Variants in GDAP1 observed in about 807,000 individuals in gnomAD.
GDAP1 encodes the protein ganglioside-induced differentiation-associated protein 1.
In GDAP1, 34 loss-of-function variants were observed where a neutral mutation model predicts 40.1. The observed-to-expected ratio is 0.85, with a 90% CI of 0.64 to 1.13. GDAP1 has a LOEUF of 1.13. GDAP1 is among the 50% of genes most tolerant of loss of function. The pLI is 0.00. For missense variants in GDAP1, 374 were observed against 433.7 expected (o/e 0.86, Z 1.22); for synonymous variants, 170 against 157.4 (o/e 1.08, Z -0.60).
intron 2 of GDAP1, among the ~76,000 whole-genome samples, chr8:74,423,822 C>G (rs1805913645): frequency 6.6e-6 from 1 of 152,046 alleles, no homozygotes; most frequent in Admixed American, 6.6e-5. Flanking sequence ...ACTGCCCCCT[C>G]CCCTCCTGAG....
At position 74,363,014 on chromosome 8, in the gene GDAP1, G is replaced by A. The variant is rs373127785; in HGVS notation, c.655G>A (p.Val219Ile). The change falls in exon 5 of 6, where the codon GTT becomes ATT. Residue 219 changes from valine (V) to isoleucine (I), a missense_variant. By Grantham distance (29) the Val-to-Ile change is conservative. Transcript: ENST00000220822. ...LDELEKVLDQ[V>I]ETELQRRNEE... is the part of the protein sequence containing the mutation. Reference sequence around the variant, plus strand: ...TGAGTTGGAGAAAGTCTTGGATCAGGTTGAAACTGAATTGCAAAGAAGAAA... The same window carrying A: ...TGAGTTGGAGAAAGTCTTGGATCAGATTGAAACTGAATTGCAAAGAAGAAA... The A allele has an allele frequency of 7.6e-6, 12 of 1,577,818 alleles. No individual in the cohort carries two copies. In the African/African-American group the frequency reaches 8.1e-5, roughly 11 times the overall value.
intron 2 of GDAP1, among the ~76,000 whole-genome samples, chr8:74,473,730 A>G (rs932499125): frequency 6.6e-6 from 1 of 152,144 alleles, no homozygotes; most frequent in African/African-American, 2.4e-5. Flanking sequence ...GTTTGAAGTC[A>G]GGTAACATGA....
intron 2 of GDAP1, among the ~76,000 whole-genome samples, chr8:74,372,118 A>T (rs1359743246): frequency 2.0e-5 from 3 of 152,190 alleles, no homozygotes; most frequent in Admixed American, 2.0e-4. Flanking sequence ...TTATGGCTGC[A>T]TAGTATTCCA....
At position 74,409,597 on chromosome 8, in the gene GDAP1, C is replaced by A. The variant is rs571552451; in HGVS notation, c.165+58276C>A. On this transcript the variant is annotated intron_variant, in intron 2 of 2. Transcript: ENST00000523640. ...TGAACTCCTGACTTCAAATGATCCA[C>A]CTGCTTCAGCCTCCCAATGTTCTGC... Among the ~76,000 whole-genome samples, 3 of 150,256 alleles carry A rather than the reference C, an allele frequency of 2.0e-5. No homozygotes were observed. The East Asian group carries it at 5.8e-4, about 29-fold the overall frequency.
chr8:74,427,746 C>T (rs1044303136), intron 2 of GDAP1, among the ~76,000 whole-genome samples: 3 of 152,088 alleles, frequency 2.0e-5, no homozygotes, highest in African/African-American at 7.2e-5. Flanking sequence ...GTTCAGTGCT[C>T]ATCAAGAAGA....
At chr8:74,431,505 A>G (rs995354647) in intron 2 of GDAP1, among the ~76,000 whole-genome samples, 2 of 151,902 alleles carry the variant, frequency 1.3e-5, no homozygotes, top group East Asian at 1.9e-4. Context: ...TTTTTGAGAC[A>G]GAGTCTCGCT....
At chr8:74,372,900 G>T (rs1178374496) in intron 2 of GDAP1, among the ~76,000 whole-genome samples, 1 of 152,116 alleles carries the variant, frequency 6.6e-6, no homozygotes, top group Non-Finnish European at 1.5e-5. Flanking sequence ...ATGGTTTTAG[G>T]TCTAACATTT....
At chr8:74,405,239 A>G (rs911013414) in intron 2 of GDAP1, among the ~76,000 whole-genome samples, 3 of 149,984 alleles carry the variant, frequency 2.0e-5, no homozygotes, top group South Asian at 4.1e-4. Context: ...CACTACCACA[A>G]TATGGGGGAA....
chr8:74,372,645 C>T (rs1809774486), intron 2 of GDAP1, among the ~76,000 whole-genome samples: 1 of 152,102 alleles, frequency 6.6e-6, no homozygotes, highest in South Asian at 2.1e-4. Context: ...TGTTTGAGTT[C>T]TTTGTAGATT....
rs1239116387 is a variant in GDAP1, at chr8:74,364,538, T to C, written c.*171T>C. 4.0e-6 allele frequency: 3 copies of C among 746,810 alleles called. No homozygotes were observed. The highest frequency in any genetic ancestry group is 7.0e-6 in the Non-Finnish European group (3 of 426,268). The allele number at this position is 746,810 out of a possible 1,614,324, so 46.3% of individuals were successfully genotyped here. A position where few individuals can be genotyped will look rare whatever the true frequency, so the allele number is the denominator to read the frequency against. On this transcript the variant is annotated 3_prime_UTR_variant, in exon 6 of 6. Transcript: ENST00000220822. ...GTTCAGGTAGCAATAGGACACAAAA[T>C]TGCTTTATTCTACAACTGCCAGCTC...
At chr8:74,406,432 C>T (rs1321130863) in intron 2 of GDAP1, among the ~76,000 whole-genome samples, 1 of 150,214 alleles carries the variant, frequency 6.7e-6, no homozygotes, top group Non-Finnish European at 1.5e-5. Context: ...TCTAACAGGA[C>T]CGGCATTAAC....
chr8:74,407,764 C>G (rs757271380), intron 2 of GDAP1, among the ~76,000 whole-genome samples: 1 of 150,048 alleles, frequency 6.7e-6, no homozygotes, highest in African/African-American at 2.5e-5. Context: ...TCTTAGGGAG[C>G]AGTATTAGTT....
chr8:74,467,816 G>T (rs1370319301), intron 2 of GDAP1, among the ~76,000 whole-genome samples: 8 of 152,036 alleles, frequency 5.3e-5, no homozygotes, highest in African/African-American at 1.9e-4. Flanking sequence ...ATGATCTCTG[G>T]CATTCTGAGT....
chr8:74,379,297 G>T (rs997005590), intron 2 of GDAP1, among the ~76,000 whole-genome samples: 2 of 152,084 alleles, frequency 1.3e-5, no homozygotes, highest in South Asian at 4.1e-4. Flanking sequence ...AAAGTGTCCC[G>T]CAACGCTGCA....
At position 74,359,497 on chromosome 8, in the gene GDAP1, G is replaced by A. The variant is rs577362539; in HGVS notation, c.311-640G>A. Among the ~76,000 whole-genome samples, 110 of 152,310 alleles carry A rather than the reference G, an allele frequency of 7.2e-4. 1 individual carries two copies. The highest frequency in any genetic ancestry group is 2.5e-3 in the African/African-American group (106 of 41,578). On this transcript the variant is annotated intron_variant, in intron 2 of 5. Coordinates refer to ENST00000220822, the MANE Select transcript of GDAP1 (RefSeq NM_018972.4). ...AAATTCCTGGGGAAAGTGCACCTGC[G>A]ATATTTGAGCAAAGGCCTTTCCTGT... is the stretch of plus-strand genomic sequence containing the variant.
intron 2 of GDAP1, among the ~76,000 whole-genome samples, chr8:74,390,070 A>G (rs1586818817): frequency 6.6e-6 from 1 of 152,290 alleles, no homozygotes; most frequent in African/African-American, 2.4e-5. Flanking sequence ...TATTCTAGTT[A>G]GCAATTCCTC....
intron 2 of GDAP1, among the ~76,000 whole-genome samples, chr8:74,411,093 C>T (rs983145642): frequency 6.7e-6 from 1 of 149,894 alleles, no homozygotes; most frequent in African/African-American, 2.5e-5. Context: ...CTCTCTCTTT[C>T]CTGCCGCCTT....
chr8:74,388,479 G>A (rs559843311), intron 2 of GDAP1, among the ~76,000 whole-genome samples: 82 of 152,146 alleles, frequency 5.4e-4, no homozygotes, highest in Admixed American at 1.7e-3. Flanking sequence ...TTTCCATGCA[G>A]TTGTGTGGTT....
At chr8:74,369,114 C>T (rs116912272), downstream of GDAP1, among the ~76,000 whole-genome samples, 3,386 of 152,198 alleles carry the variant, frequency 0.022, 49 homozygotes, top group Non-Finnish European at 0.036. Flanking sequence ...CAGGACAAAA[C>T]GTACACAGTT....
Sources: gnomAD v4.1 joint callset for allele counts (sites outside exome capture counted in the v4.1 genomes callset) on GRCh38, gnomAD v4.1.1 for gene constraint, MANE v1.5 for transcripts, NCBI Gene and HGNC (gene_info 2026-07-23, HGNC 2026-07-21) for gene names.